The following TMEM74 variants were observed in gnomAD, a reference collection of about 807,000 sequenced individuals.
TMEM74 encodes the protein transmembrane protein 74.
TMEM74 carries 13 observed loss-of-function variants against 18.1 expected under a neutral mutation model. The observed-to-expected ratio is 0.72, with a 90% CI of 0.47 to 1.14. The LOEUF is 1.14. Among genes scored for constraint, TMEM74 ranks in the 50% most tolerant of loss-of-function variants. The probability of loss-of-function intolerance (pLI) is 0.00; values close to 1 mark genes in which losing one functional copy is unlikely to be tolerated. For synonymous variants in TMEM74, 159 were observed against 146.6 expected (o/e 1.08, Z -0.61); for missense variants, 372 against 375.9 (o/e 0.99, Z 0.09).
rs188614549 is a variant in TMEM74, at chr8:108,607,129, C to T, written n.976G>A. On this transcript the variant is annotated non_coding_transcript_exon_variant, in exon 4 of 4. Transcript: ENST00000518838. ...ATCACATTTCTTGCATGTGATCACA[C>T]TTCAACCCTGTGCTTTATTGGTCAA... The T allele has an allele frequency of 7.5e-4, 114 of 152,304 alleles. 4 individuals carry two copies. The highest frequency in any genetic ancestry group is 2.7e-3 in the African/African-American group (111 of 41,568). The allele number at this position is 152,304 out of a possible 1,614,324, so 9.4% of individuals were successfully genotyped here.
Position 108,625,321 on chromosome 8 carries a change from T to C in TMEM74, n.265-16495A>G, listed in dbSNP as rs541708420. ...ATTCTGCATTTTTTTGAAAAACTTT[T>C]CCTATGTTCATACCATAAAGAACAA... is the stretch of plus-strand genomic sequence containing the variant. On this transcript the variant is annotated intron_variant and non_coding_transcript_variant, in intron 2 of 3. Coordinates refer to the TMEM74 transcript ENST00000518838. Among the ~76,000 whole-genome samples the C allele has an allele frequency of 1.4e-3, 209 of 152,076 alleles. 2 individuals carry two copies. The highest frequency in any genetic ancestry group is 2.4e-3 in the Non-Finnish European group (163 of 67,984).
intron 2 of TMEM74, among the ~76,000 whole-genome samples, chr8:108,620,396 G>A (rs550191480): frequency 1.4e-4 from 21 of 152,262 alleles, no homozygotes; most frequent in African/African-American, 2.6e-4. Flanking sequence ...CTATTTCTCC[G>A]TGGGGTGGAG....
intron 2 of TMEM74, among the ~76,000 whole-genome samples, chr8:108,614,353 A>T (rs1812363193): frequency 6.6e-6 from 1 of 152,126 alleles, no homozygotes; most frequent in Non-Finnish European, 1.5e-5. Flanking sequence ...CCCTGAGTGC[A>T]TATCAAGGGG....
intron 1 of TMEM74, among the ~76,000 whole-genome samples, chr8:108,717,361 A>G (rs1012052691): frequency 6.6e-6 from 1 of 152,212 alleles, no homozygotes; most frequent in Admixed American, 6.5e-5. Flanking sequence ...ACTACTATCA[A>G]TTCAAATCTT....
intron 1 of TMEM74, among the ~76,000 whole-genome samples, chr8:108,683,166 C>T (rs796986601): frequency 1.4e-4 from 22 of 151,780 alleles, no homozygotes; most frequent in African/African-American, 4.6e-4. Context: ...TTCTTATAAA[C>T]GACATCAGCT....
chr8:108,693,548 A>G (rs1013622687), intron 1 of TMEM74, among the ~76,000 whole-genome samples: 1 of 152,220 alleles, frequency 6.6e-6, no homozygotes, highest in Non-Finnish European at 1.5e-5. Flanking sequence ...CAGCTAATAC[A>G]TTCCTTGTAT....
At chr8:108,678,345 TC>T (rs1221739176) in intron 1 of TMEM74, among the ~76,000 whole-genome samples, 1 of 152,098 alleles carries the variant, frequency 6.6e-6, no homozygotes, top group African/African-American at 2.4e-5. Flanking sequence ...CAAAAAGTAA[TC>T]CTACGCTGCC....
chr8:108,616,471 A>G (rs1406185623), intron 2 of TMEM74, among the ~76,000 whole-genome samples: 1 of 152,206 alleles, frequency 6.6e-6, no homozygotes, highest in African/African-American at 2.4e-5. Context: ...TTTGTCCAAA[A>G]ATTTTATAAG....
At chr8:108,762,972 C>T (rs778189737) in intron 1 of TMEM74, among the ~76,000 whole-genome samples, 1 of 152,150 alleles carries the variant, frequency 6.6e-6, no homozygotes, top group Non-Finnish European at 1.5e-5. Context: ...TTAGCAAAAT[C>T]TCTAGAATTT....
Position 108,784,742 on chromosome 8 carries a change from G to T in TMEM74, c.357C>A (p.Asn119Lys), listed in dbSNP as rs1435260658. 2 of 1,614,084 alleles carry T rather than the reference G, an allele frequency of 1.2e-6. No homozygotes were observed. The highest frequency in any genetic ancestry group is 2.2e-5 in the South Asian group (2 of 91,090). Residue 119 changes from asparagine to lysine, a missense_variant, in exon 2 of 2, where the codon AAC (asparagine) becomes AAA (lysine). Asn to Lys is a moderately conservative substitution (Grantham distance 94, BLOSUM62 0). Transcript: ENST00000297459. The stretch of plus-strand genomic sequence containing the variant: ...GCGAGCTCCGGTTCCGCTGCTCCAA[G>T]TTGATGTTTTTGTCCACATAGGTAA... Reference protein sequence around the residue: ...TSFTYVDKNINLEQRNRSSPS... With the variant: ...TSFTYVDKNIKLEQRNRSSPS...
At chr8:108,742,141 G>A (rs567308740) in intron 1 of TMEM74, among the ~76,000 whole-genome samples, 2 of 152,058 alleles carry the variant, frequency 1.3e-5, no homozygotes, top group East Asian at 1.9e-4. Context: ...CACTGGGGTC[G>A]GGTTGAGGGT....
intron 1 of TMEM74, among the ~76,000 whole-genome samples, chr8:108,749,112 C>T (rs1813880062): frequency 6.6e-6 from 1 of 151,836 alleles, no homozygotes; most frequent in Non-Finnish European, 1.5e-5. Flanking sequence ...CTTAGAATTG[C>T]CTTGGCTATT....
rs577194258 is a variant in TMEM74, at chr8:108,645,218, G to A, written n.264+10075C>T. 1.1e-3 allele frequency among the ~76,000 whole-genome samples: 161 copies of A among 152,218 alleles called. 1 individual carries two copies. The highest frequency in any genetic ancestry group is 3.5e-3 in the African/African-American group (146 of 41,550). ...CCTTTGCAGCAACATAGATTCAGCT[G>A]GAGGTCATTATCCTAATCAAATTAG... On this transcript the variant is annotated intron_variant and non_coding_transcript_variant, in intron 2 of 3. Transcript: ENST00000518838.
rs1430975732 is a variant in TMEM74 at position 108,782,644 on chromosome 8, A to T, written c.*1537T>A. On this transcript the variant is annotated 3_prime_UTR_variant, in exon 2 of 2. Coordinates refer to ENST00000297459, the MANE Select transcript of TMEM74 (RefSeq NM_153015.3). ...ATTCCACAGTTGTCCACAACACCAC[A>T]AACTTCAGACATTTGAAATAGCCTT... 6.6e-6 allele frequency among the ~76,000 whole-genome samples: 1 copy of T among 152,214 alleles called. No homozygotes were observed. Among genetic ancestry groups the T allele is most frequent in the Non-Finnish European group, 1.5e-5 (1 of 68,036 alleles).
chr8:108,644,807 C>T (rs1237054756), intron 2 of TMEM74, among the ~76,000 whole-genome samples: 1 of 152,044 alleles, frequency 6.6e-6, no homozygotes, highest in African/African-American at 2.4e-5. Flanking sequence ...TGAGGTAAAA[C>T]CTCACACCAG....
chr8:108,659,745 C>G (rs1399420875), intron 1 of TMEM74, among the ~76,000 whole-genome samples: 4 of 152,248 alleles, frequency 2.6e-5, no homozygotes, highest in Admixed American at 6.5e-5. Flanking sequence ...AGATACCCCT[C>G]AAGGAGGACT....
intron 1 of TMEM74, among the ~76,000 whole-genome samples, chr8:108,736,774 G>A (rs576336064): frequency 1.3e-5 from 2 of 152,226 alleles, no homozygotes; most frequent in South Asian, 2.1e-4. Flanking sequence ...CATATACACA[G>A]TTTGTTGTGC....
intron 2 of TMEM74, among the ~76,000 whole-genome samples, chr8:108,651,101 G>T (rs746950136): frequency 1.3e-5 from 2 of 151,796 alleles, no homozygotes; most frequent in African/African-American, 4.8e-5. Flanking sequence ...TCTCCATAGC[G>T]CTTACTACCA....
chr8:108,671,821 T>G (rs1463859811), intron 1 of TMEM74, among the ~76,000 whole-genome samples: 3 of 152,144 alleles, frequency 2.0e-5, no homozygotes, highest in African/African-American at 7.2e-5. Flanking sequence ...GATAAATTAC[T>G]CTATAGATGA....
Sources: gnomAD v4.1 joint callset for allele counts (sites outside exome capture counted in the v4.1 genomes callset) on GRCh38, gnomAD v4.1.1 for gene constraint, MANE v1.5 for transcripts, NCBI Gene and HGNC (gene_info 2026-07-23, HGNC 2026-07-21) for gene names.